The following KDM4C variants were observed in gnomAD, a reference collection of about 807,000 sequenced individuals.
KDM4C encodes lysine-specific demethylase 4C.
In KDM4C, 81 loss-of-function variants were observed where a neutral mutation model predicts 129.3. That is an observed-to-expected ratio of 0.63 (90% CI 0.52 to 0.75). KDM4C has a LOEUF of 0.75. Ranked by LOEUF, KDM4C falls within the 30% of genes least tolerant of loss-of-function variation. The probability of loss-of-function intolerance (pLI) is 0.00; values close to 1 mark genes in which losing one functional copy is unlikely to be tolerated. For synonymous variants in KDM4C, 573 were observed against 456.1 expected, an observed-to-expected ratio of 1.26 and a Z score of -3.26; for missense variants, 1,457 against 1,304.0, an observed-to-expected ratio of 1.12 and a Z score of -1.81.
At chr9:6,864,585 C>T (rs1249854480) in intron 5 of KDM4C, among the ~76,000 whole-genome samples, 2 of 151,872 alleles carry the variant, frequency 1.3e-5, no homozygotes, top group Non-Finnish European at 2.9e-5. Flanking sequence ...ATTCTGCTGC[C>T]TCAGCCCTCC....
chr9:7,048,645 G>A (rs765749981), intron 16 of KDM4C, among the ~76,000 whole-genome samples: 1 of 152,126 alleles, frequency 6.6e-6, no homozygotes, highest in South Asian at 2.1e-4. Context: ...ACTTAAACAA[G>A]TTTGCTTCAT....
intron 18 of KDM4C, among the ~76,000 whole-genome samples, chr9:7,115,438 A>G (rs1052189988): frequency 6.6e-6 from 1 of 152,196 alleles, no homozygotes; most frequent in African/African-American, 2.4e-5. Context: ...AGCATCATAG[A>G]TACAGTAGAA....
chr9:6,949,161 T>C (rs374806381), intron 8 of KDM4C, among the ~76,000 whole-genome samples: 39 of 146,378 alleles, frequency 2.7e-4, no homozygotes, highest in East Asian at 6.2e-4. Flanking sequence ...GGCTCCTCAC[T>C]TCTTAGACGG....
At chr9:6,988,656 C>T (rs2821450) in intron 11 of KDM4C, among the ~76,000 whole-genome samples, 105,420 of 134,864 alleles carry the variant, frequency 0.78, 38,012 homozygotes, top group Middle Eastern at 0.84. Context: ...TTTTTTAAAG[C>T]CATCCATCCA....
intron 8 of KDM4C, among the ~76,000 whole-genome samples, chr9:6,907,181 C>G (rs535359812): frequency 1.3e-5 from 2 of 152,162 alleles, no homozygotes; most frequent in East Asian, 3.9e-4. Context: ...TGTTATGTGA[C>G]AAAGAGTAGT....
intron 1 of KDM4C, among the ~76,000 whole-genome samples, chr9:6,751,438 C>A (rs1056042700): frequency 1.3e-5 from 2 of 151,854 alleles, no homozygotes; most frequent in African/African-American, 4.8e-5. Flanking sequence ...ACACCCAGAT[C>A]CTGTCTTAAA....
Position 7,088,286 on chromosome 9 carries a change from T to C in KDM4C, c.2425-15399T>C, listed in dbSNP as rs536152010. 3.1e-3 allele frequency among the ~76,000 whole-genome samples: 471 copies of C among 152,316 alleles called. 2 individuals carry two copies. The highest frequency in any genetic ancestry group is 0.01 in the African/African-American group (433 of 41,580). On this transcript the variant is annotated intron_variant, in intron 17 of 21. Coordinates refer to ENST00000381309, the MANE Select transcript of KDM4C (RefSeq NM_015061.6). ...ACCCTGGAATGGGACCTAGGAGAAATGCTGTTTTGTTCATTCACATTTAAG... is the reference window on the plus strand; with the variant it reads ...ACCCTGGAATGGGACCTAGGAGAAACGCTGTTTTGTTCATTCACATTTAAG...
intron 6 of KDM4C, among the ~76,000 whole-genome samples, chr9:6,881,232 TTAGAAGGAACAGTTA>T (rs1844399114): frequency 6.6e-6 from 1 of 152,224 alleles, no homozygotes; most frequent in African/African-American, 2.4e-5. Context: ...CAGAAGAGTA[TTAGAAGGAACAGTTA>T]TAGTATTACA....
chr9:6,740,582 G>C (rs781399776), intron 1 of KDM4C, among the ~76,000 whole-genome samples: 7 of 151,532 alleles, frequency 4.6e-5, no homozygotes, highest in African/African-American at 1.7e-4. Flanking sequence ...GCAGTGGCAC[G>C]ATCTTGGCTC....
intron 2 of KDM4C, among the ~76,000 whole-genome samples, chr9:6,793,974 A>G (rs1390033715): frequency 1.3e-5 from 2 of 152,156 alleles, no homozygotes; most frequent in Non-Finnish European, 1.5e-5. Flanking sequence ...CCGCTATAGA[A>G]TTCTGTAACA....
intron 1 of KDM4C, among the ~76,000 whole-genome samples, chr9:6,760,710 A>G (rs1819294687): frequency 1.3e-5 from 2 of 151,770 alleles, no homozygotes; most frequent in Admixed American, 6.6e-5. Context: ...AGCTGGGACT[A>G]CAGGCACCCA....
intron 4 of KDM4C, among the ~76,000 whole-genome samples, chr9:6,839,183 G>A (rs778616764): frequency 6.6e-6 from 1 of 152,082 alleles, no homozygotes; most frequent in Non-Finnish European, 1.5e-5. Context: ...TTGGATAAGA[G>A]TCCTAAAACG....
intron 6 of KDM4C, among the ~76,000 whole-genome samples, chr9:6,883,964 TGG>T: frequency 6.6e-6 from 1 of 152,092 alleles, no homozygotes; most frequent in Middle Eastern, 3.2e-3. Flanking sequence ...CCAGTTAAAC[TGG>T]GTGGAAATTT....
At chr9:6,899,552 T>TGG (rs930741075) in intron 8 of KDM4C, among the ~76,000 whole-genome samples, 1 of 151,244 alleles carries the variant, frequency 6.6e-6, no homozygotes, top group Non-Finnish European at 1.5e-5. Flanking sequence ...GGTGTGTGTG[T>TGG]GTGTGTGTGT....
chr9:6,850,842 C>T (rs924735477), intron 5 of KDM4C, among the ~76,000 whole-genome samples: 6 of 152,184 alleles, frequency 3.9e-5, no homozygotes, highest in South Asian at 2.1e-4. Context: ...GCAACCTCCA[C>T]CTCCTAGGTT....
chr9:7,061,895 C>T (rs916844862), intron 17 of KDM4C, among the ~76,000 whole-genome samples: 1 of 152,252 alleles, frequency 6.6e-6, no homozygotes, highest in Non-Finnish European at 1.5e-5. Context: ...CATTACCCCT[C>T]ACCCTAATTT....
chr9:7,065,374 C>T (rs1341788343), intron 17 of KDM4C, among the ~76,000 whole-genome samples: 1 of 151,668 alleles, frequency 6.6e-6, no homozygotes, highest in Non-Finnish European at 1.5e-5. Flanking sequence ...CTTTTCATTA[C>T]AGGAATAGCG....
At position 7,088,138 on chromosome 9, in the gene KDM4C, A is replaced by G. The variant is rs1411461599; in HGVS notation, c.2425-15547A>G. Among the ~76,000 whole-genome samples, 7 of 152,274 alleles carry G rather than the reference A, an allele frequency of 4.6e-5. No homozygotes were observed. In the East Asian group the frequency reaches 1.4e-3, roughly 29 times the overall value. On this transcript the variant is annotated intron_variant, in intron 17 of 21. Coordinates refer to ENST00000381309, the MANE Select transcript of KDM4C (RefSeq NM_015061.6). ...TTTTGGTGCAACCAATCCTGAGAGC[A>G]GTGTTTGGCTCCCCCGTATCCACTT...
intron 19 of KDM4C, among the ~76,000 whole-genome samples, chr9:7,157,007 T>C (rs1367713445): frequency 6.6e-6 from 1 of 152,228 alleles, no homozygotes; most frequent in Non-Finnish European, 1.5e-5. Context: ...CTTCCATTTG[T>C]TTGCGTCCTC....
Sources: gnomAD v4.1 joint callset for allele counts (sites outside exome capture counted in the v4.1 genomes callset) on GRCh38, gnomAD v4.1.1 for gene constraint, MANE v1.5 for transcripts, NCBI Gene and HGNC (gene_info 2026-07-23, HGNC 2026-07-21) for gene names.